Variants in FER1L6 observed in about 807,000 individuals in gnomAD.
The protein encoded by FER1L6 is fer-1 like family member 6.
Under a neutral mutation model 219.2 loss-of-function variants are expected in FER1L6, and 177 were observed. The observed-to-expected ratio is 0.81, with a 90% CI of 0.71 to 0.91. The LOEUF is 0.91. Ranked by LOEUF, FER1L6 falls within the 40% of genes least tolerant of loss-of-function variation. The probability of loss-of-function intolerance (pLI) is 0.00; values close to 1 mark genes in which losing one functional copy is unlikely to be tolerated. For missense variants in FER1L6, 2,153 were observed against 2,259.9 expected, an observed-to-expected ratio of 0.95 and a Z score of 0.96; for synonymous variants, 768 against 824.3, an observed-to-expected ratio of 0.93 and a Z score of 1.17.
At chr8:123,872,439 A>G (rs1306089051) in intron 1 of FER1L6, among the ~76,000 whole-genome samples, 1 of 152,226 alleles carries the variant, frequency 6.6e-6, no homozygotes, top group Non-Finnish European at 1.5e-5. Context: ...GAAATGGCCC[A>G]GAGGTGCCAA....
At chr8:124,010,825 T>C (rs1817887654) in intron 14 of FER1L6, 111 bp downstream of exon 14, 9 of 1,416,110 alleles carry the variant, frequency 6.4e-6, no homozygotes, top group Middle Eastern at 2.6e-4. Context: ...CACAAATAAA[T>C]TGAGGATGCT....
chr8:123,942,450 C>T (rs2130001623), intron 1 of FER1L6, among the ~76,000 whole-genome samples: 1 of 152,320 alleles, frequency 6.6e-6, no homozygotes, highest in Admixed American at 6.5e-5. Context: ...ACTGCCTTGG[C>T]CATGTGCCAC....
At position 124,028,843 on chromosome 8, in the gene FER1L6, G is replaced by A. The variant is rs137905461; in HGVS notation, c.2286+5247G>A. ...GTGCAGGTTTGTTACATAGGTTAAC[G>A]TGTGCCATGGTGGTTTGCTGCACCT... On this transcript the variant is annotated intron_variant, in intron 18 of 40. Coordinates refer to ENST00000522917, the MANE Select transcript of FER1L6 (RefSeq NM_001039112.2). Among the ~76,000 whole-genome samples the A allele has an allele frequency of 7.3e-3, 1,109 of 152,246 alleles. 6 individuals carry two copies. Among genetic ancestry groups the A allele is most frequent in the Admixed American group, 0.011 (168 of 15,288 alleles).
chr8:124,014,814 T>G (rs1317000704), intron 15 of FER1L6, among the ~76,000 whole-genome samples: 1 of 152,158 alleles, frequency 6.6e-6, no homozygotes, highest in Non-Finnish European at 1.5e-5. Flanking sequence ...CAAAACTCAG[T>G]GGCTTAACAT....
rs573818926 is a variant in FER1L6, at chr8:123,922,330, G to A, written c.-7-33662G>A. On this transcript the variant is annotated intron_variant, in intron 1 of 40. Transcript: ENST00000522917. The stretch of plus-strand genomic sequence containing the variant: ...ACAGAAGGTAACATCTGTGGCTGGA[G>A]AGATAAGGAGAATTTCCGTCTGAGT... Among the ~76,000 whole-genome samples, 123 of 152,314 alleles carry A rather than the reference G, an allele frequency of 8.1e-4. 1 individual carries two copies. Among genetic ancestry groups the A allele is most frequent in the African/African-American group, 2.7e-3 (112 of 41,578 alleles).
rs527392370 is a variant in FER1L6, at chr8:123,948,059, C to G, written c.-7-7933C>G. Among the ~76,000 whole-genome samples, 6 of 152,282 alleles carry G rather than the reference C, an allele frequency of 3.9e-5. 1 individual carries two copies. The South Asian group carries it at 1.2e-3, about 32-fold the overall frequency. Reference sequence around the variant, plus strand: ...CTATAGTGTGGAGAACCCTAAGAGACATTCATAATAGGTTGAGCTGGTTTT... The same window carrying G: ...CTATAGTGTGGAGAACCCTAAGAGAGATTCATAATAGGTTGAGCTGGTTTT... On this transcript the variant is annotated intron_variant, in intron 1 of 40. Coordinates refer to ENST00000522917, the MANE Select transcript of FER1L6 (RefSeq NM_001039112.2).
At chr8:124,015,202 C>G (rs1027749558) in intron 15 of FER1L6, among the ~76,000 whole-genome samples, 3 of 152,060 alleles carry the variant, frequency 2.0e-5, no homozygotes, top group Non-Finnish European at 4.4e-5. Flanking sequence ...TCACTCTTGA[C>G]GGTTCTGTTA....
intron 1 of FER1L6, among the ~76,000 whole-genome samples, chr8:123,877,260 G>A (rs1817020213): frequency 6.6e-6 from 1 of 152,186 alleles, no homozygotes. Context: ...GTCTAGAACT[G>A]TGAGGCTTCT....
chr8:124,101,099 G>A lies in FER1L6; in HGVS notation c.4886G>A (p.Trp1629Ter). The change falls in exon 38 of 41, where the codon TGG becomes TAG. Residue 1629 changes from tryptophan to a stop codon, truncating the protein, a stop_gained and splice_region_variant. Coordinates refer to ENST00000522917, the MANE Select transcript of FER1L6 (RefSeq NM_001039112.2). LOFTEE classifies it high-confidence loss of function. ...AATTATTTTGAATCTATTTTTAGGT[G>A]GTTAAAGGGCTTGGAGGATGACAAG... Reference protein sequence around the residue: ...QKSSDIYVKGWLKGLEDDKQE... With the variant: ...QKSSDIYVKG The A allele has an allele frequency of 6.2e-7, 1 of 1,613,450 alleles. No individual in the cohort carries two copies. Among genetic ancestry groups the A allele is most frequent in the South Asian group, 1.1e-5 (1 of 91,054 alleles).
chr8:123,980,340 G>T, intron 10 of FER1L6, 125 bp from the exon 11 acceptor site: 1 of 780,172 alleles, frequency 1.3e-6, no homozygotes, highest in Non-Finnish European at 2.0e-6. Flanking sequence ...TTGTCTTTTG[G>T]TCATGGGATA....
intron 1 of FER1L6, among the ~76,000 whole-genome samples, chr8:123,932,822 TGAAAAGA>T (rs1813825576): frequency 1.3e-5 from 2 of 152,242 alleles, no homozygotes; most frequent in Non-Finnish European, 2.9e-5. Flanking sequence ...CTACTGGTGA[TGAAAAGA>T]GTATAAATTC....
intron 1 of FER1L6, among the ~76,000 whole-genome samples, chr8:123,855,917 T>C (rs906402339): frequency 1.4e-5 from 2 of 147,182 alleles, no homozygotes; most frequent in African/African-American, 2.5e-5. Flanking sequence ...TATATTAGTA[T>C]ATTGTATATA....
At chr8:123,957,345 A>G (rs949499268) in intron 2 of FER1L6, among the ~76,000 whole-genome samples, 27 of 152,212 alleles carry the variant, frequency 1.8e-4, no homozygotes, top group African/African-American at 6.0e-4. Context: ...TGTTGATTCA[A>G]TGAAACTTCC....
In FER1L6 at chr8:123,901,246, T is replaced by C. The variant is rs191360979; in HGVS notation, c.-8+49061T>C. Among the ~76,000 whole-genome samples the C allele has an allele frequency of 4.5e-3, 691 of 152,360 alleles. 7 individuals are homozygous for C. The highest frequency in any genetic ancestry group is 0.016 in the African/African-American group (658 of 41,586). ...ATTTAAGCTAGGAGGGTTGTATTTT[T>C]CCAGGAATTAATCCATCTCTTCCAG... On this transcript the variant is annotated intron_variant, in intron 1 of 40. Coordinates refer to ENST00000522917, the MANE Select transcript of FER1L6 (RefSeq NM_001039112.2).
chr8:124,110,962 C>T (rs1822999517), intron 39 of FER1L6, among the ~76,000 whole-genome samples: 1 of 151,918 alleles, frequency 6.6e-6, no homozygotes, highest in South Asian at 2.1e-4. Context: ...CAACTTGGAG[C>T]AAAGTGCTCA....
intron 33 of FER1L6, among the ~76,000 whole-genome samples, chr8:124,083,953 A>G (rs1821685635): frequency 1.3e-5 from 2 of 152,020 alleles, no homozygotes; most frequent in African/African-American, 4.8e-5. Flanking sequence ...TCTTGCACCA[A>G]TGTTTTATAG....
intron 26 of FER1L6, among the ~76,000 whole-genome samples, chr8:124,065,138 A>T (rs916600146): frequency 1.3e-5 from 2 of 152,266 alleles, no homozygotes; most frequent in African/African-American, 4.8e-5. Flanking sequence ...TCACACCTGT[A>T]ATCCTAGCAC....
Position 124,110,084 on chromosome 8 carries a change from A to G in FER1L6, c.5289+6775A>G, listed in dbSNP as rs112158695. Among the ~76,000 whole-genome samples, 943 of 152,212 alleles carry G rather than the reference A, an allele frequency of 6.2e-3. 7 individuals are homozygous for G. Among genetic ancestry groups the G allele is most frequent in the African/African-American group, 0.017 (718 of 41,536 alleles). ...TACTTAGCCTGCTTCCAGTTTCCCC[A>G]CACGAGCACCTTTCAGTCAGAACAC... is the stretch of plus-strand genomic sequence containing the variant. On this transcript the variant is annotated intron_variant, in intron 39 of 40. Coordinates refer to ENST00000522917, the MANE Select transcript of FER1L6 (RefSeq NM_001039112.2).
intron 18 of FER1L6, among the ~76,000 whole-genome samples, chr8:124,027,077 G>T (rs1399606315): frequency 6.6e-6 from 1 of 152,112 alleles, no homozygotes; most frequent in African/African-American, 2.4e-5. Flanking sequence ...CCCTTCATAT[G>T]ATATTATTTT....
Sources: allele counts gnomAD v4.1 joint callset (sites outside exome capture counted in the v4.1 genomes callset), GRCh38; gene constraint gnomAD v4.1.1; transcripts MANE v1.5; gene names NCBI Gene and HGNC (gene_info 2026-07-23, HGNC 2026-07-21).